UNC13C: variants seen among roughly 807,000 people sequenced by gnomAD.
UNC13C encodes unc-13 homolog C, also known as protein unc-13 homolog C.
A neutral mutation model predicts 245.4 loss-of-function variants in UNC13C; 174 were observed. The ratio of observed to expected loss-of-function variants is 0.71; its 90% CI spans 0.63 to 0.80. The LOEUF is 0.80. Among genes scored for constraint, UNC13C ranks in the 30% least tolerant of loss-of-function variants. UNC13C has a pLI of 0.00. For synonymous variants in UNC13C, 992 were observed against 895.1 expected, an observed-to-expected ratio of 1.11 and a Z score of -1.93; for missense variants, 2,829 against 2,602.9, an observed-to-expected ratio of 1.09 and a Z score of -1.89.
At position 54,144,466 on chromosome 15, in the gene UNC13C, G is replaced by A. The variant is rs182069218; in HGVS notation, c.3071+782G>A. ...GACTCACTTAATCTTTACAATGGCC[G>A]TATGAGGTAAGTACTATTTTGACTC... On this transcript the variant is annotated intron_variant, in intron 4 of 32. Coordinates refer to ENST00000260323, the MANE Select transcript of UNC13C (RefSeq NM_001080534.3). Among the ~76,000 whole-genome samples the A allele has an allele frequency of 2.5e-3, 379 of 152,054 alleles. 8 individuals are homozygous for A. Among genetic ancestry groups the A allele is most frequent in the Admixed American group, 0.021 (325 of 15,262 alleles).
intron 19 of UNC13C, among the ~76,000 whole-genome samples, chr15:54,430,223 A>G (rs2040844765): frequency 4.0e-5 from 6 of 151,642 alleles, no homozygotes. Context: ...TGCTTTATCA[A>G]TTTTTGTACC....
At chr15:54,420,463 A>G (rs1008407695) in intron 19 of UNC13C, among the ~76,000 whole-genome samples, 1 of 151,902 alleles carries the variant, frequency 6.6e-6, no homozygotes. Context: ...CACTTCTACA[A>G]TATCTCGTTG....
Position 54,503,845 on chromosome 15 carries a change from C to G in UNC13C, c.5301+2867C>G, listed in dbSNP as rs140679967. On this transcript the variant is annotated intron_variant, in intron 22 of 32. Coordinates refer to ENST00000260323, the MANE Select transcript of UNC13C (RefSeq NM_001080534.3). ...CTTCTAAGTATTGGAATCCTTATAT[C>G]AAAATATACTAAAATCCCATTATCT... Among the ~76,000 whole-genome samples, 854 of 152,166 alleles carry G rather than the reference C, an allele frequency of 5.6e-3. 10 individuals carry two copies. The highest frequency in any genetic ancestry group is 6.0e-3 in the Non-Finnish European group (407 of 68,018).
chr15:54,554,864 A>G (rs1424173129), intron 28 of UNC13C, among the ~76,000 whole-genome samples: 2 of 152,092 alleles, frequency 1.3e-5, no homozygotes, highest in Non-Finnish European at 2.9e-5. Context: ...TAAAATAATG[A>G]AATAAGTTTT....
At chr15:53,970,445 G>C in the UNC13C span, among the ~76,000 whole-genome samples, 1 of 152,134 alleles carries the variant, frequency 6.6e-6, no homozygotes, top group Non-Finnish European at 1.5e-5. Flanking sequence ...CTCATCCATT[G>C]ATGGGCATTT....
In UNC13C at chr15:54,391,903, A is replaced by C. The variant is rs543694610; in HGVS notation, c.4714-1145A>C. Among the ~76,000 whole-genome samples, 307 of 152,214 alleles carry C rather than the reference A, an allele frequency of 2.0e-3. 1 individual carries two copies. Among genetic ancestry groups the C allele is most frequent in the Non-Finnish European group, 2.8e-3 (189 of 67,962 alleles). On this transcript the variant is annotated intron_variant, in intron 17 of 32. Coordinates refer to ENST00000260323, the MANE Select transcript of UNC13C (RefSeq NM_001080534.3). ...GGTTACATATCATGATTTGCACTGGAACATATGCATATACAACCATTCAGC... is the reference window on the plus strand; with the variant it reads ...GGTTACATATCATGATTTGCACTGGCACATATGCATATACAACCATTCAGC...
At chr15:54,500,802 T>G (rs1567331328) in intron 21 of UNC13C, 33 bp from the exon 22 acceptor site, 1 of 1,604,718 alleles carries the variant, frequency 6.2e-7, no homozygotes, top group East Asian at 2.2e-5. Context: ...TCTAATGTAC[T>G]GTTTGGGATG....
At chr15:54,044,414 T>G in intron 2 of UNC13C, 1 of 333,518 alleles carries the variant, frequency 3.0e-6, no homozygotes, top group South Asian at 2.3e-5. Flanking sequence ...TATGATAACA[T>G]ATATTTAAAG....
the UNC13C span, among the ~76,000 whole-genome samples, chr15:53,852,027 G>T: frequency 6.6e-6 from 1 of 152,218 alleles, no homozygotes; most frequent in Non-Finnish European, 1.5e-5. Context: ...CAAAGAGGGA[G>T]CTGTGGGAAC....
Position 54,013,731 on chromosome 15 carries a change from G to C in UNC13C, c.828G>C (p.Glu276Asp). 1 of 1,612,850 alleles carries C rather than the reference G, an allele frequency of 6.2e-7. No individual in the cohort carries two copies. The highest frequency in any genetic ancestry group is 8.5e-7 in the Non-Finnish European group (1 of 1,179,432). ...HVNALKHSID[E>D]ISSSVEVVQS... ...ATGCTCTCAAGCACTCCATCGATGAGATCTCCAGCAGTGTGGAGGTTGTAC... is the reference window on the plus strand; with the variant it reads ...ATGCTCTCAAGCACTCCATCGATGACATCTCCAGCAGTGTGGAGGTTGTAC... Residue 276 changes from glutamate to aspartate, a missense_variant, in exon 2 of 33, where the codon GAG becomes GAC. Physicochemically the swap from Glu to Asp is conservative, Grantham distance 45 (BLOSUM62 2). Coordinates refer to ENST00000260323, the MANE Select transcript of UNC13C (RefSeq NM_001080534.3).
At chr15:54,538,544 C>A (rs574653458) in intron 26 of UNC13C, among the ~76,000 whole-genome samples, 1 of 152,064 alleles carries the variant, frequency 6.6e-6, no homozygotes, top group South Asian at 2.1e-4. Context: ...CACATGCATG[C>A]GTATGTTCAT....
the UNC13C span, among the ~76,000 whole-genome samples, chr15:53,969,145 C>T: frequency 6.6e-6 from 1 of 152,046 alleles, no homozygotes; most frequent in Non-Finnish European, 1.5e-5. Flanking sequence ...TAGTAGAAGG[C>T]ACAGCAGGGG....
chr15:54,508,693 T>C (rs1021393758), intron 23 of UNC13C, among the ~76,000 whole-genome samples: 10 of 152,192 alleles, frequency 6.6e-5, no homozygotes, highest in Non-Finnish European at 1.5e-4. Flanking sequence ...ACTAGGCTTA[T>C]GTTTTCATTC....
At chr15:53,943,254 A>T in the UNC13C span, among the ~76,000 whole-genome samples, 1 of 152,190 alleles carries the variant, frequency 6.6e-6, no homozygotes, top group South Asian at 2.1e-4. Context: ...CTGAACATGC[A>T]ATTCTATTTT....
At chr15:54,266,418 A>G (rs1046279561) in intron 10 of UNC13C, among the ~76,000 whole-genome samples, 3 of 152,032 alleles carry the variant, frequency 2.0e-5, no homozygotes, top group African/African-American at 7.2e-5. Flanking sequence ...AAAATAGAAG[A>G]CAAGAAATCA....
chr15:53,911,842 C>T, the UNC13C span: 1 of 152,274 alleles, frequency 6.6e-6, no homozygotes, highest in South Asian at 2.1e-4. Flanking sequence ...CGCTTTACCT[C>T]CCCTATGAGG....
chr15:53,908,284 T>TG, the UNC13C span, among the ~76,000 whole-genome samples: 1 of 146,424 alleles, frequency 6.8e-6, no homozygotes, highest in African/African-American at 2.4e-5. Context: ...TACAGAGACT[T>TG]GCATTTTAGA....
intron 25 of UNC13C, among the ~76,000 whole-genome samples, chr15:54,529,286 T>G (rs1439596082): frequency 1.3e-5 from 2 of 152,182 alleles, no homozygotes; most frequent in African/African-American, 2.4e-5. Flanking sequence ...ATAACCCTGC[T>G]ATTAAAGGCC....
At chr15:54,468,563 G>A (rs1892298752) in intron 19 of UNC13C, among the ~76,000 whole-genome samples, 1 of 151,580 alleles carries the variant, frequency 6.6e-6, no homozygotes. Flanking sequence ...TTTCCTTCTA[G>A]AAGTTTTACA....
Sources: gnomAD v4.1 joint callset for allele counts (sites outside exome capture counted in the v4.1 genomes callset) on GRCh38, gnomAD v4.1.1 for gene constraint, MANE v1.5 for transcripts, NCBI Gene and HGNC (gene_info 2026-07-23, HGNC 2026-07-21) for gene names.